The following STPG2 variants were observed in gnomAD, a reference collection of about 807,000 sequenced individuals.
STPG2 encodes the protein sperm-tail PG-rich repeat-containing protein 2.
Under a neutral mutation model 54.2 loss-of-function variants are expected in STPG2, and 56 were observed. The ratio of observed to expected loss-of-function variants is 1.03; its 90% CI spans 0.83 to 1.29. The LOEUF (loss-of-function observed/expected upper bound fraction) is 1.29, where lower values mean the gene tolerates loss of function less well. Ranked by LOEUF, STPG2 falls within the 50% of genes most tolerant of loss-of-function variation. The pLI, the probability that STPG2 is intolerant of heterozygous loss-of-function variation, is 0.00. For synonymous variants in STPG2, 200 were observed against 181.8 expected (o/e 1.10, Z -0.81); for missense variants, 596 against 544.9 (o/e 1.09, Z -0.93).
At chr4:97,867,533 T>C (rs1042304914) in intron 8 of STPG2, among the ~76,000 whole-genome samples, 2 of 152,080 alleles carry the variant, frequency 1.3e-5, no homozygotes, top group African/African-American at 2.4e-5. Context: ...ACTTCAAATC[T>C]ATCTTCCAGT....
intron 5 of STPG2, among the ~76,000 whole-genome samples, chr4:98,023,609 T>C (rs77175092): frequency 6.6e-6 from 1 of 152,172 alleles, no homozygotes; most frequent in Non-Finnish European, 1.5e-5. Flanking sequence ...GTCTTTTTGT[T>C]TGTCTGTGCC....
At chr4:98,091,972 C>G (rs1032799230) in intron 5 of STPG2, among the ~76,000 whole-genome samples, 12 of 151,798 alleles carry the variant, frequency 7.9e-5, no homozygotes, top group Admixed American at 7.9e-4. Context: ...TAAATAAATA[C>G]AAAAGGTTTT....
intron 4 of STPG2, among the ~76,000 whole-genome samples, chr4:97,551,944 A>G (rs1731975684): frequency 6.6e-6 from 1 of 152,188 alleles, no homozygotes; most frequent in African/African-American, 2.4e-5. Flanking sequence ...ATAAATGTAA[A>G]GACACATGCT....
At chr4:97,598,385 T>A (rs1449734632) in intron 10 of STPG2, among the ~76,000 whole-genome samples, 1 of 151,454 alleles carries the variant, frequency 6.6e-6, no homozygotes, top group Non-Finnish European at 1.5e-5. Flanking sequence ...AAAAAAACAT[T>A]TTAAAATTCA....
chr4:97,963,593 T>G (rs986549478), intron 7 of STPG2, among the ~76,000 whole-genome samples: 2 of 151,950 alleles, frequency 1.3e-5, no homozygotes, highest in Admixed American at 6.6e-5. Context: ...AGGGCAAGGG[T>G]GCAGTGAGCC....
intron 6 of STPG2, among the ~76,000 whole-genome samples, chr4:97,978,930 C>G (rs1303730060): frequency 6.6e-6 from 1 of 152,052 alleles, no homozygotes; most frequent in Non-Finnish European, 1.5e-5. Context: ...GGTCTTTATC[C>G]TGGGCCTTTT....
At chr4:97,444,712 A>G (rs1729175558) in intron 4 of STPG2, among the ~76,000 whole-genome samples, 1 of 152,168 alleles carries the variant, frequency 6.6e-6, no homozygotes, top group African/African-American at 2.4e-5. Flanking sequence ...AAAGAGTTAA[A>G]TATGTGGGTA....
chr4:97,912,547 C>A (rs1356147050), intron 8 of STPG2, among the ~76,000 whole-genome samples: 1 of 151,964 alleles, frequency 6.6e-6, no homozygotes, highest in Non-Finnish European at 1.5e-5. Context: ...CCAGAATAGA[C>A]CAAGTGGAGG....
intron 9 of STPG2, among the ~76,000 whole-genome samples, chr4:97,780,631 C>A (rs1349197481): frequency 1.5e-5 from 2 of 135,140 alleles, no homozygotes; most frequent in African/African-American, 5.8e-5. Flanking sequence ...AATATACATT[C>A]TTCTCAGCAC....
rs138090095 is a variant in STPG2 at position 97,517,106 on chromosome 4, C to T, written c.462+195593G>A. ...TATTTTTAGTAAAGACAACGTTTCA[C>T]CATGTTGGCCAGAATGGTCTTGAAC... On this transcript the variant is annotated intron_variant, in intron 4 of 4. Transcript: ENST00000522676. 3.8e-3 allele frequency among the ~76,000 whole-genome samples: 574 copies of T among 152,016 alleles called. 2 individuals carry two copies. Among genetic ancestry groups the T allele is most frequent in the African/African-American group, 0.014 (563 of 41,486 alleles).
chr4:97,879,925 T>C (rs1278326317), intron 8 of STPG2, among the ~76,000 whole-genome samples: 4 of 152,188 alleles, frequency 2.6e-5, no homozygotes, highest in Admixed American at 6.5e-5. Context: ...AGTTACCATA[T>C]TATCCAGCAA....
At chr4:97,450,902 G>T (rs1729349469) in intron 4 of STPG2, among the ~76,000 whole-genome samples, 2 of 151,816 alleles carry the variant, frequency 1.3e-5, no homozygotes, top group African/African-American at 4.8e-5. Context: ...TAAAATAATT[G>T]TGTACTACTA....
At chr4:97,626,128 T>C (rs1232319673) in intron 10 of STPG2, among the ~76,000 whole-genome samples, 1 of 152,236 alleles carries the variant, frequency 6.6e-6, no homozygotes, top group Non-Finnish European at 1.5e-5. Context: ...CTATAACATA[T>C]TTACATGTGT....
rs148742180 is a variant in STPG2, at chr4:97,670,399, T to C, written c.1320+42300A>G. Among the ~76,000 whole-genome samples the C allele has an allele frequency of 3.8e-3, 582 of 152,354 alleles. 1 individual carries two copies. Among genetic ancestry groups the C allele is most frequent in the Middle Eastern group, 0.014 (4 of 294 alleles). ...GAATCAATAGTGGTTGGTCATGATT[T>C]GGACATTCAGTTATTTTTCTCAAGT... is the stretch of plus-strand genomic sequence containing the variant. On this transcript the variant is annotated intron_variant, in intron 10 of 10. Coordinates refer to ENST00000295268, the MANE Select transcript of STPG2 (RefSeq NM_174952.3).
At chr4:97,914,517 C>T (rs1482609789) in intron 8 of STPG2, among the ~76,000 whole-genome samples, 1 of 151,960 alleles carries the variant, frequency 6.6e-6, no homozygotes, top group East Asian at 1.9e-4. Context: ...GTTGCATAAC[C>T]ATAACCACCA....
At chr4:97,876,844 G>T (rs923348835) in intron 8 of STPG2, among the ~76,000 whole-genome samples, 1 of 151,804 alleles carries the variant, frequency 6.6e-6, no homozygotes, top group African/African-American at 2.4e-5. Flanking sequence ...TGTTTTCTTA[G>T]CCTGGAAATA....
chr4:97,560,042 T>G (rs1003927175), intron 10 of STPG2, among the ~76,000 whole-genome samples: 7 of 152,280 alleles, frequency 4.6e-5, no homozygotes, highest in Admixed American at 3.3e-4. Context: ...ATTTAAACAG[T>G]GTCTGCTCTC....
At chr4:98,029,145 C>T (rs12233741) in intron 5 of STPG2, among the ~76,000 whole-genome samples, 59,950 of 151,730 alleles carry the variant, frequency 0.4, 12,077 homozygotes, top group Middle Eastern at 0.46. Context: ...TAGAAATATG[C>T]GTATTATGCA....
At chr4:97,800,554 G>C (rs1193291520) in intron 9 of STPG2, among the ~76,000 whole-genome samples, 2 of 152,220 alleles carry the variant, frequency 1.3e-5, no homozygotes, top group East Asian at 3.9e-4. Flanking sequence ...CTTCGTCTCA[G>C]AGTGGTACCC....
Sources: gnomAD v4.1 joint callset for allele counts (sites outside exome capture counted in the v4.1 genomes callset) on GRCh38, gnomAD v4.1.1 for gene constraint, MANE v1.5 for transcripts, NCBI Gene and HGNC (gene_info 2026-07-23, HGNC 2026-07-21) for gene names.